MYCBP2: variants seen among roughly 807,000 people sequenced by gnomAD.
The protein encoded by MYCBP2 is E3 ubiquitin-protein ligase MYCBP2.
MYCBP2 carries 120 observed loss-of-function variants against 525.3 expected under a neutral mutation model. That is an observed-to-expected ratio of 0.23 (90% CI 0.20 to 0.27). The LOEUF (loss-of-function observed/expected upper bound fraction) is 0.27. Ranked by LOEUF, MYCBP2 falls within the 10% of genes least tolerant of loss-of-function variation. MYCBP2 has a pLI of 1.00. For synonymous variants in MYCBP2, 1,894 were observed against 1,955.8 expected, an observed-to-expected ratio of 0.97 and a Z score of 0.83; for missense variants, 4,149 against 5,657.1, an observed-to-expected ratio of 0.73 and a Z score of 8.55.
chr13:77,245,457 G>A (rs1324713771), intron 15 of MYCBP2, among the ~76,000 whole-genome samples: 5 of 152,066 alleles, frequency 3.3e-5, no homozygotes, highest in Non-Finnish European at 1.5e-5. Flanking sequence ...TCTTTGCAGG[G>A]ACATGAATGA....
At chr13:77,129,512 T>A (rs975098555) in intron 52 of MYCBP2, 1 of 237,318 alleles carries the variant, frequency 4.2e-6, no homozygotes, top group Non-Finnish European at 8.0e-6. Context: ...AGATACTCAA[T>A]GCAAGAAAGA....
intron 15 of MYCBP2, among the ~76,000 whole-genome samples, chr13:77,247,558 A>C (rs1412120809): frequency 6.6e-6 from 1 of 152,246 alleles, no homozygotes; most frequent in Non-Finnish European, 1.5e-5. Context: ...TGGTTTTTAC[A>C]AAATAGAAAA....
At chr13:77,147,493 A>C (rs1200994040) in intron 47 of MYCBP2, among the ~76,000 whole-genome samples, 1 of 152,130 alleles carries the variant, frequency 6.6e-6, no homozygotes, top group African/African-American at 2.4e-5. Context: ...CAAGATGTCC[A>C]ACTGCTCATC....
chr13:77,258,778 C>T (rs2072699966), intron 13 of MYCBP2, among the ~76,000 whole-genome samples: 1 of 152,042 alleles, frequency 6.6e-6, no homozygotes, highest in Non-Finnish European at 1.5e-5. Flanking sequence ...TGCTTTGAGA[C>T]CTTACATGAT....
At chr13:77,152,792 G>A (rs779725166) in intron 46 of MYCBP2, among the ~76,000 whole-genome samples, 6 of 152,108 alleles carry the variant, frequency 3.9e-5, no homozygotes, top group African/African-American at 7.2e-5. Context: ...GTGGCTGGGC[G>A]CGGTGGCTCA....
intron 22 of MYCBP2, 78 bp downstream of exon 22, chr13:77,211,878 A>G: frequency 8.5e-7 from 1 of 1,169,722 alleles, no homozygotes; most frequent in Non-Finnish European, 1.2e-6. Context: ...AGTACATTTC[A>G]TTAAAGGGAA....
At chr13:77,149,600 T>C (rs528715743) in intron 47 of MYCBP2, among the ~76,000 whole-genome samples, 1 of 152,320 alleles carries the variant, frequency 6.6e-6, no homozygotes, top group East Asian at 1.9e-4. Context: ...CTCAGGTCTG[T>C]ACATCTAACT....
chr13:77,083,691 G>A (rs2043717349), intron 62 of MYCBP2, among the ~76,000 whole-genome samples: 1 of 151,926 alleles, frequency 6.6e-6, no homozygotes, highest in African/African-American at 2.4e-5. Flanking sequence ...GAGAAGTAGG[G>A]GTTGAATTTC....
At chr13:77,325,567 A>T (rs557302567) in intron 1 of MYCBP2, among the ~76,000 whole-genome samples, 2 of 152,338 alleles carry the variant, frequency 1.3e-5, no homozygotes, top group African/African-American at 4.8e-5. Flanking sequence ...TAGCCAACCC[A>T]AGTAAAAGAG....
Position 77,164,709 on chromosome 13 carries a change from C to T in MYCBP2, c.6460-168G>A, listed in dbSNP as rs544210900. On this transcript the variant is annotated intron_variant, in intron 42 of 82. Transcript: ENST00000544440. Reference sequence around the variant, plus strand: ...AGATTCAGTACTCAATGTTGTGGCTCAGGCTGGTTATAAGGTTCAGGTTTA... The same window carrying T: ...AGATTCAGTACTCAATGTTGTGGCTTAGGCTGGTTATAAGGTTCAGGTTTA... 5.6e-4 allele frequency among the ~76,000 whole-genome samples: 85 copies of T among 152,288 alleles called. 1 individual carries two copies. The highest frequency in any genetic ancestry group is 2.0e-3 in the African/African-American group (85 of 41,572).
chr13:77,235,607 A>T (rs915963401), intron 17 of MYCBP2, among the ~76,000 whole-genome samples: 27 of 152,104 alleles, frequency 1.8e-4, no homozygotes. Context: ...AGTCAACAAA[A>T]ATATACTACA....
intron 82 of MYCBP2, among the ~76,000 whole-genome samples, chr13:77,049,785 G>A (rs571628423): frequency 1.9e-4 from 29 of 152,078 alleles, no homozygotes; most frequent in African/African-American, 6.7e-4. Flanking sequence ...ACAGGTACCC[G>A]CCACCATGCC....
chr13:77,322,791 C>T (rs557289081), intron 1 of MYCBP2, among the ~76,000 whole-genome samples: 36 of 152,212 alleles, frequency 2.4e-4, no homozygotes, highest in Non-Finnish European at 3.5e-4. Flanking sequence ...CATGGTTATA[C>T]CACCATTCAC....
chr13:77,320,625 A>G (rs1214847018), intron 1 of MYCBP2, among the ~76,000 whole-genome samples: 9 of 152,156 alleles, frequency 5.9e-5, no homozygotes, highest in Admixed American at 5.9e-4. Flanking sequence ...TGTTCTTTAC[A>G]AATGGAAAAA....
At chr13:77,067,448 G>A (rs760962580) in intron 71 of MYCBP2, 133 bp downstream of exon 71, 25 of 871,050 alleles carry the variant, frequency 2.9e-5, no homozygotes, top group Non-Finnish European at 3.4e-5. Context: ...GACCTTTTTA[G>A]ATATTAGCCA....
intron 59 of MYCBP2, among the ~76,000 whole-genome samples, chr13:77,091,130 ATCTATTTTCTAATAGACGGC>A (rs148871856): frequency 0.022 from 3,384 of 152,154 alleles, 56 homozygotes; most frequent in Middle Eastern, 0.079. Context: ...TGGTAAAATT[ATCTATTTTCTAATAGACGGC>A]TAACTGCCTA....
chr13:77,317,734 C>T (rs1258980715), intron 1 of MYCBP2, among the ~76,000 whole-genome samples: 1 of 152,060 alleles, frequency 6.6e-6, no homozygotes, highest in Non-Finnish European at 1.5e-5. Context: ...GTCAGGAGTT[C>T]GAGACCATCC....
intron 3 of MYCBP2, among the ~76,000 whole-genome samples, chr13:77,282,991 T>C (rs1017537077): frequency 2.0e-5 from 3 of 152,098 alleles, no homozygotes; most frequent in African/African-American, 4.8e-5. Context: ...GCCTAAATGG[T>C]TCCTCTGTCT....
rs370764370 is a variant in MYCBP2, at chr13:77,174,468, G to A, written c.5494C>T (p.Arg1832Cys). The A allele has an allele frequency of 5.0e-6, 8 of 1,613,336 alleles. No individual in the cohort carries two copies. Among genetic ancestry groups the A allele is most frequent in the Admixed American group, 1.7e-5 (1 of 59,974 alleles). Residue 1832 changes from arginine to cysteine, a missense_variant, in exon 37 of 83, where the codon CGC becomes TGC. Transcript: ENST00000544440. The stretch of plus-strand genomic sequence containing the variant: ...GTACGGCTTCCATAGTTCCTCAAGC[G>A]CACAGCATATTTAACATTTTCCTTC... The part of the protein sequence containing the change: ...PLKENVKYAV[R>C]LRNYGSRTAN...
Sources: gnomAD v4.1 joint callset for allele counts (sites outside exome capture counted in the v4.1 genomes callset) on GRCh38, gnomAD v4.1.1 for gene constraint, MANE v1.5 for transcripts, NCBI Gene and HGNC (gene_info 2026-07-23, HGNC 2026-07-21) for gene names.